LDAH: variants seen among roughly 807,000 people sequenced by gnomAD.
LDAH encodes lipid droplet associated hydrolase, also known as lipid droplet-associated hydrolase.
Under a neutral mutation model 29.6 loss-of-function variants are expected in LDAH, and 26 were observed. The ratio of observed to expected loss-of-function variants is 0.88; its 90% confidence interval spans 0.64 to 1.22. The LOEUF is 1.22. Among genes scored for constraint, LDAH ranks in the 50% most tolerant of loss-of-function variants. The pLI, the probability that LDAH is intolerant of heterozygous loss-of-function variation, is 0.00. For synonymous variants in LDAH, 117 were observed against 133.0 expected (o/e 0.88, Z 0.83); for missense variants, 344 against 387.3 (o/e 0.89, Z 0.94).
intron 6 of LDAH, among the ~76,000 whole-genome samples, chr2:20,699,947 T>C (rs1264849251): frequency 2.0e-5 from 3 of 152,222 alleles, no homozygotes; most frequent in Non-Finnish European, 4.4e-5. Flanking sequence ...ATGAGTATTT[T>C]ACAGCAGCTG....
intron 2 of LDAH, among the ~76,000 whole-genome samples, chr2:20,799,805 T>C (rs1196610991): frequency 6.6e-6 from 1 of 152,028 alleles, no homozygotes; most frequent in Admixed American, 6.6e-5. Context: ...AAAAATATAT[T>C]CTGCAGCCAA....
chr2:20,729,280 T>C (rs1666235550), intron 5 of LDAH, among the ~76,000 whole-genome samples: 1 of 152,212 alleles, frequency 6.6e-6, no homozygotes, highest in African/African-American at 2.4e-5. Flanking sequence ...GCAGAAAAAG[T>C]GGAAAATACC....
intron 4 of LDAH, among the ~76,000 whole-genome samples, chr2:20,740,745 C>T (rs569293527): frequency 1.3e-5 from 2 of 152,268 alleles, no homozygotes; most frequent in South Asian, 2.1e-4. Context: ...TATAAATGCC[C>T]ATGTGCACTA....
At position 20,797,849 on chromosome 2, in the gene LDAH, G is replaced by A. The variant is rs148206909; in HGVS notation, c.154+3461C>T. Among the ~76,000 whole-genome samples the A allele has an allele frequency of 5.3e-5, 8 of 152,094 alleles. No individual in the cohort carries two copies. In the East Asian group the frequency reaches 9.6e-4, roughly 18 times the overall value. On this transcript the variant is annotated intron_variant, in intron 2 of 6. Transcript: ENST00000237822. ...ACAAAAAAGAAAAGAAAAACAAAGC[G>A]CTATTAGAATGAAATGAGTTTCTGG...
At chr2:20,742,612 T>TA (rs1667260043) in intron 4 of LDAH, among the ~76,000 whole-genome samples, 1 of 152,188 alleles carries the variant, frequency 6.6e-6, no homozygotes, top group African/African-American at 2.4e-5. Context: ...GAAATATAGC[T>TA]ACTCCTGTTT....
intron 5 of LDAH, among the ~76,000 whole-genome samples, chr2:20,710,629 T>TAGATAG (rs1553336580): frequency 7.4e-6 from 1 of 135,372 alleles, no homozygotes; most frequent in Admixed American, 7.9e-5. Flanking sequence ...TAGATATATA[T>TAGATAG]ATATAGATAT....
chr2:20,745,091 G>C (rs1667478249), intron 4 of LDAH, among the ~76,000 whole-genome samples: 1 of 152,138 alleles, frequency 6.6e-6, no homozygotes, highest in Non-Finnish European at 1.5e-5. Context: ...TGTGGAACTG[G>C]AAACCAGAAG....
chr2:20,716,535 C>G (rs2149387640), intron 5 of LDAH, among the ~76,000 whole-genome samples: 1 of 131,354 alleles, frequency 7.6e-6, no homozygotes, highest in African/African-American at 2.9e-5. Context: ...AATGAGAACA[C>G]TTGGACACAG....
chr2:20,718,881 C>T (rs184321210), intron 5 of LDAH, among the ~76,000 whole-genome samples: 1 of 151,636 alleles, frequency 6.6e-6, no homozygotes, highest in Admixed American at 6.6e-5. Context: ...TGTACAAATA[C>T]ATGGAAATTA....
chr2:20,816,141 AC>A (rs1221058257), intron 1 of LDAH, among the ~76,000 whole-genome samples: 1 of 152,132 alleles, frequency 6.6e-6, no homozygotes, highest in Non-Finnish European at 1.5e-5. Flanking sequence ...ATACTCAAAA[AC>A]ACTATAAACA....
intron 4 of LDAH, among the ~76,000 whole-genome samples, chr2:20,741,956 T>C (rs1345603606): frequency 6.6e-6 from 1 of 152,240 alleles, no homozygotes; most frequent in African/African-American, 2.4e-5. Context: ...GATATATTAA[T>C]TTTATTTTAT....
At chr2:20,727,087 T>A (rs973467812) in intron 5 of LDAH, among the ~76,000 whole-genome samples, 4 of 152,178 alleles carry the variant, frequency 2.6e-5, no homozygotes, top group Non-Finnish European at 5.9e-5. Flanking sequence ...CATTAAAAGC[T>A]GCAGCTGGGG....
intron 3 of LDAH, among the ~76,000 whole-genome samples, chr2:20,780,082 G>C (rs1212173843): frequency 6.6e-6 from 1 of 152,108 alleles, no homozygotes; most frequent in Non-Finnish European, 1.5e-5. Flanking sequence ...CCCTCCCTAA[G>C]TATTCTGTAA....
At chr2:20,777,545 A>G (rs528665368) in intron 3 of LDAH, among the ~76,000 whole-genome samples, 1 of 152,188 alleles carries the variant, frequency 6.6e-6, no homozygotes, top group East Asian at 1.9e-4. Context: ...ATGACTCCCA[A>G]GTAGCTGGGA....
At chr2:20,755,123 CTGTGTTTGTGTGTG>C (rs1343034813) in intron 4 of LDAH, among the ~76,000 whole-genome samples, 5 of 85,780 alleles carry the variant, frequency 5.8e-5, no homozygotes, top group African/African-American at 1.8e-4. Context: ...TATTGTGTGT[CTGTGTTTGTGTGTG>C]TGTGTGTGTG....
At chr2:20,739,458 T>G (rs752527645) in intron 5 of LDAH, among the ~76,000 whole-genome samples, 6 of 152,168 alleles carry the variant, frequency 3.9e-5, no homozygotes, top group Non-Finnish European at 7.3e-5. Context: ...CAAAAACATT[T>G]CCTAGCATAT....
At chr2:20,718,111 G>A (rs1040344457) in intron 5 of LDAH, among the ~76,000 whole-genome samples, 2 of 152,128 alleles carry the variant, frequency 1.3e-5, no homozygotes, top group Non-Finnish European at 2.9e-5. Flanking sequence ...AAGGAAGACA[G>A]GGTTACAAAA....
rs1669692763 is a variant in LDAH, at chr2:20,774,861, T to C, written c.417A>G (p.Ser139=). The part of the protein sequence containing the change: ...KDMKLVLIGH[S]IGSYFTLQML... Reference sequence around the variant, plus strand: ...TCTGAAGTGTGAAATAGCTGCCTATTGAATGGCCAATGAGCACAAGTTTCA... The same window carrying C: ...TCTGAAGTGTGAAATAGCTGCCTATCGAATGGCCAATGAGCACAAGTTTCA... Residue 139 remains serine, a synonymous_variant, in exon 4 of 7, where the codon TCA becomes TCG. Coordinates refer to ENST00000237822, the MANE Select transcript of LDAH (RefSeq NM_021925.4). The C allele has an allele frequency of 6.2e-6, 10 of 1,613,526 alleles. No individual in the cohort carries two copies. Among genetic ancestry groups the C allele is most frequent in the Non-Finnish European group, 7.6e-6 (9 of 1,179,974 alleles).
intron 1 of LDAH, among the ~76,000 whole-genome samples, chr2:20,812,565 A>G (rs1199911928): frequency 6.6e-6 from 1 of 152,182 alleles, no homozygotes; most frequent in Non-Finnish European, 1.5e-5. Context: ...CCATATATGG[A>G]CTAATATTCT....
Sources: allele counts gnomAD v4.1 joint callset (sites outside exome capture counted in the v4.1 genomes callset), GRCh38; gene constraint gnomAD v4.1.1; transcripts MANE v1.5; gene names NCBI Gene and HGNC (gene_info 2026-07-23, HGNC 2026-07-21).